The following EYS variants were observed in gnomAD, a reference collection of about 807,000 sequenced individuals.
The protein encoded by EYS is EGF-like photoreceptor maintenance factor.
Under a neutral mutation model 282.1 loss-of-function variants are expected in EYS, and 250 were observed. The ratio of observed to expected loss-of-function variants is 0.89; its 90% CI spans 0.80 to 0.98. The LOEUF is 0.98. Among genes scored for constraint, EYS ranks in the 50% least tolerant of loss-of-function variants. The pLI is 0.00. For synonymous variants in EYS, 1,355 were observed against 1,282.9 expected (o/e 1.06, Z -1.20); for missense variants, 4,016 against 3,709.0 (o/e 1.08, Z -2.15).
At chr6:64,824,419 C>A (rs533516864) in intron 19 of EYS, among the ~76,000 whole-genome samples, 15 of 152,032 alleles carry the variant, frequency 9.9e-5, no homozygotes, top group Non-Finnish European at 2.1e-4. Flanking sequence ...AGAGTATAGG[C>A]ATGCATCAAA....
chr6:63,779,724 G>A (rs1459746421), intron 39 of EYS, among the ~76,000 whole-genome samples: 1 of 148,854 alleles, frequency 6.7e-6, no homozygotes, highest in East Asian at 2.0e-4. Flanking sequence ...CTTTTTTTTG[G>A]AGGCATAAAA....
intron 15 of EYS, among the ~76,000 whole-genome samples, chr6:64,916,032 T>C (rs552370716): frequency 6.6e-6 from 1 of 152,308 alleles, no homozygotes; most frequent in East Asian, 1.9e-4. Context: ...AGTGTATTTA[T>C]TTTGCTTGAA....
chr6:65,288,209 TTA>T (rs1393487074), intron 12 of EYS, among the ~76,000 whole-genome samples: 1 of 150,976 alleles, frequency 6.6e-6, no homozygotes, highest in Non-Finnish European at 1.5e-5. Context: ...AATGACAAAC[TTA>T]TGTCTGAGGG....
At chr6:64,671,073 A>T (rs1769442556) in intron 22 of EYS, among the ~76,000 whole-genome samples, 1 of 152,150 alleles carries the variant, frequency 6.6e-6, no homozygotes, top group African/African-American at 2.4e-5. Flanking sequence ...AGGCTAGAAA[A>T]ACTTCCTCAA....
intron 12 of EYS, among the ~76,000 whole-genome samples, chr6:65,083,566 C>A (rs1774283859): frequency 6.6e-6 from 1 of 151,796 alleles, no homozygotes; most frequent in Non-Finnish European, 1.5e-5. Flanking sequence ...AAATACATAA[C>A]TGATACCTCG....
intron 31 of EYS, among the ~76,000 whole-genome samples, chr6:64,139,370 A>G (rs116690751): frequency 0.02 from 3,060 of 152,264 alleles, 82 homozygotes; most frequent in African/African-American, 0.061. Context: ...CATACATTCT[A>G]GTGGCAGCAA....
chr6:63,856,391 T>G (rs1772392748), intron 36 of EYS, among the ~76,000 whole-genome samples: 1 of 152,194 alleles, frequency 6.6e-6, no homozygotes, highest in Non-Finnish European at 1.5e-5. Flanking sequence ...GGGAGAATTC[T>G]GTGAGGTTGC....
chr6:64,193,429 G>C (rs941238296), intron 31 of EYS, among the ~76,000 whole-genome samples: 2 of 151,790 alleles, frequency 1.3e-5, no homozygotes, highest in Non-Finnish European at 2.9e-5. Context: ...TCCTGCCTCA[G>C]CCTCCCCAGT....
intron 22 of EYS, among the ~76,000 whole-genome samples, chr6:64,742,390 A>G (rs1772405893): frequency 6.6e-6 from 1 of 152,192 alleles, no homozygotes; most frequent in Non-Finnish European, 1.5e-5. Flanking sequence ...CAAATTTAAA[A>G]TATAGTGAAA....
chr6:64,154,630 A>G (rs1052206106), intron 31 of EYS, among the ~76,000 whole-genome samples: 1 of 152,160 alleles, frequency 6.6e-6, no homozygotes, highest in Non-Finnish European at 1.5e-5. Context: ...AATAAACATA[A>G]TATGTGCTCT....
intron 31 of EYS, among the ~76,000 whole-genome samples, chr6:64,103,613 G>C (rs550758804): frequency 1.3e-5 from 2 of 152,096 alleles, no homozygotes; most frequent in East Asian, 3.9e-4. Context: ...GGTAGGAGGA[G>C]GATCATAGAT....
At chr6:64,188,661 A>G (rs551952767) in intron 31 of EYS, among the ~76,000 whole-genome samples, 30 of 152,232 alleles carry the variant, frequency 2.0e-4, no homozygotes, top group African/African-American at 4.1e-4. Flanking sequence ...TTCTTGCCCT[A>G]TCCTGCGAAC....
At chr6:64,572,973 C>G (rs555547404) in intron 26 of EYS, among the ~76,000 whole-genome samples, 1 of 152,114 alleles carries the variant, frequency 6.6e-6, no homozygotes, top group East Asian at 1.9e-4. Context: ...CAAGACAATC[C>G]TAAGAAAAAT....
chr6:64,176,353 G>T (rs557178945), intron 31 of EYS, among the ~76,000 whole-genome samples: 2 of 152,138 alleles, frequency 1.3e-5, no homozygotes, highest in African/African-American at 4.8e-5. Context: ...ACAGGTGGGA[G>T]CAGAAAGGCC....
intron 14 of EYS, among the ~76,000 whole-genome samples, chr6:64,982,266 T>C (rs932523628): frequency 6.6e-6 from 1 of 151,330 alleles, no homozygotes; most frequent in Admixed American, 6.6e-5. Context: ...TTTGAATTAC[T>C]GTAGTAGAAT....
chr6:63,902,687 A>T (rs1440868015), intron 35 of EYS, among the ~76,000 whole-genome samples: 3 of 152,194 alleles, frequency 2.0e-5, no homozygotes. Context: ...ATTAAGATGC[A>T]CATTGTAATC....
At chr6:63,899,092 C>G (rs549698075) in intron 35 of EYS, among the ~76,000 whole-genome samples, 2 of 152,124 alleles carry the variant, frequency 1.3e-5, no homozygotes, top group Non-Finnish European at 2.9e-5. Flanking sequence ...CAGATTATTA[C>G]GTTTATTGAC....
chr6:65,472,509 A>G (rs750525081), intron 5 of EYS, among the ~76,000 whole-genome samples: 3 of 152,104 alleles, frequency 2.0e-5, no homozygotes, highest in Non-Finnish European at 2.9e-5. Context: ...CTTTTGAATA[A>G]CATGCCTTGA....
chr6:63,885,769 A>G (rs1773246869), intron 35 of EYS, among the ~76,000 whole-genome samples: 2 of 152,160 alleles, frequency 1.3e-5, no homozygotes, highest in Non-Finnish European at 2.9e-5. Context: ...TTAGCTCTCC[A>G]TAATATTCCC....
Sources: gnomAD v4.1 joint callset for allele counts (sites outside exome capture counted in the v4.1 genomes callset) on GRCh38, gnomAD v4.1.1 for gene constraint, MANE v1.5 for transcripts, NCBI Gene and HGNC (gene_info 2026-07-23, HGNC 2026-07-21) for gene names.